Variants in SPINK13 observed in about 807,000 individuals in gnomAD.
SPINK13 encodes the protein serine protease inhibitor Kazal-type 13.
A neutral mutation model predicts 11.0 loss-of-function variants in SPINK13; 11 were observed. The observed-to-expected ratio is 1.00, with a 90% CI of 0.63 to 1.65. The LOEUF (loss-of-function observed/expected upper bound fraction) is 1.65. Among genes scored for constraint, SPINK13 ranks in the 40% most tolerant of loss-of-function variants. The pLI, the probability that SPINK13 is intolerant of heterozygous loss-of-function variation, is 0.00. For synonymous variants in SPINK13, 31 were observed against 35.6 expected, an observed-to-expected ratio of 0.87 and a Z score of 0.46; for missense variants, 113 against 117.7, an observed-to-expected ratio of 0.96 and a Z score of 0.19.
intron 3 of SPINK13, 108 bp from the exon 4 acceptor site, chr5:148,281,996 T>C (rs1756522617): frequency 6.9e-7 from 1 of 1,443,678 alleles, no homozygotes. Context: ...ATAAGATCAA[T>C]TGACTGGTAT....
At chr5:148,278,676 T>C (rs914540912) in intron 3 of SPINK13, among the ~76,000 whole-genome samples, 1 of 152,064 alleles carries the variant, frequency 6.6e-6, no homozygotes, top group African/African-American at 2.4e-5. Flanking sequence ...TGCTGAGGAG[T>C]GTTTTACTTC....
rs201839213 is a variant in SPINK13, at chr5:148,282,179, G to T, written c.184G>T (p.Ala62Ser). 1.3e-3 allele frequency: 2,066 copies of T among 1,614,168 alleles called. 15 individuals are homozygous for T. Among genetic ancestry groups the T allele is most frequent in the East Asian group, 7.4e-3 (334 of 44,878 alleles). The part of the protein sequence containing the change: ...DCPNVTAPVC[A>S]SNGHTFQNEC... ...CCCCAATGTGACAGCACCTGTTTGT[G>T]CCTCAAATGGCCACACTTTCCAGAA... Residue 62 changes from alanine (A) to serine (S), a missense_variant, in exon 4 of 5, where the codon GCC (alanine) becomes TCC (serine). Physicochemically the swap from Ala to Ser is moderately conservative, Grantham distance 99. Transcript: ENST00000398450.
chr5:148,285,473 T>C (rs1484946589), intron 4 of SPINK13, among the ~76,000 whole-genome samples: 3 of 152,186 alleles, frequency 2.0e-5, no homozygotes, highest in Non-Finnish European at 4.4e-5. Context: ...TCTTTAGAGA[T>C]GTAATACAAA....
chr5:148,283,926 G>A (rs905760571), intron 4 of SPINK13, among the ~76,000 whole-genome samples: 12 of 152,102 alleles, frequency 7.9e-5, no homozygotes, highest in Non-Finnish European at 8.8e-5. Flanking sequence ...GTGATCTGCC[G>A]GACTATTACT....
Position 148,282,161 on chromosome 5 carries a change from G to A in SPINK13, c.166G>A (p.Val56Met). 2 of 1,614,198 alleles carry A rather than the reference G, an allele frequency of 1.2e-6. No individual in the cohort carries two copies. Among genetic ancestry groups the A allele is most frequent in the Non-Finnish European group, 1.7e-6 (2 of 1,180,030 alleles). ...DPDYNADCPN[V>M]TAPVCASNGH... ...TGATTACAATGCAGACTGCCCCAAT[G>A]TGACAGCACCTGTTTGTGCCTCAAA... The change falls in exon 4 of 5, where the codon GTG becomes ATG. Residue 56 changes from valine to methionine, a missense_variant. By Grantham distance (21) the Val-to-Met change is conservative. Transcript: ENST00000398450.
intron 4 of SPINK13, 109 bp downstream of exon 4, chr5:148,282,340 A>G (rs1756528985): frequency 6.7e-6 from 9 of 1,340,716 alleles, no homozygotes; most frequent in Admixed American, 4.7e-5. Flanking sequence ...TTTTTTAAAA[A>G]AATAGCCTCA....
At position 148,285,092 on chromosome 5, in the gene SPINK13, T is replaced by C. The variant is rs112813414; in HGVS notation, c.237-908T>C. On this transcript the variant is annotated intron_variant, in intron 4 of 4. Transcript: ENST00000398450. ...AGATTTCAAACTTGCTTAGTGATAC[T>C]AAGCAAGGATTTCTCAGGCAATAAA... is the stretch of plus-strand genomic sequence containing the variant. Among the ~76,000 whole-genome samples the C allele has an allele frequency of 5.6e-3, 851 of 152,302 alleles. 6 individuals are homozygous for C. The highest frequency in any genetic ancestry group is 8.1e-3 in the Non-Finnish European group (552 of 68,008).
chr5:148,280,360 A>G (rs1204152773), intron 3 of SPINK13, among the ~76,000 whole-genome samples: 2 of 152,128 alleles, frequency 1.3e-5, no homozygotes, highest in Non-Finnish European at 2.9e-5. Context: ...GGAGGAGAAG[A>G]GGCTTTCTGA....
At chr5:148,279,216 G>A (rs1273720254) in intron 3 of SPINK13, among the ~76,000 whole-genome samples, 1 of 150,786 alleles carries the variant, frequency 6.6e-6, no homozygotes, top group Admixed American at 6.6e-5. Context: ...CACACTGATG[G>A]GTCTTGACTC....
intron 3 of SPINK13, among the ~76,000 whole-genome samples, chr5:148,276,234 T>C (rs1756426766): frequency 6.6e-6 from 1 of 152,216 alleles, no homozygotes; most frequent in South Asian, 2.1e-4. Context: ...TTCTCTCCCA[T>C]TCTGTAGGTT....
At chr5:148,283,857 T>C (rs929244543) in intron 4 of SPINK13, among the ~76,000 whole-genome samples, 1 of 152,196 alleles carries the variant, frequency 6.6e-6, no homozygotes, top group African/African-American at 2.4e-5. Context: ...AGGGTCTTGC[T>C]GATAATGCCC....
chr5:148,278,285 T>C (rs188433040), intron 3 of SPINK13, among the ~76,000 whole-genome samples: 2 of 152,206 alleles, frequency 1.3e-5, no homozygotes, highest in African/African-American at 4.8e-5. Flanking sequence ...TCTGCTCTGA[T>C]CTTAGTTATT....
Position 148,270,127 on chromosome 5 carries a change from C to A in SPINK13, c.55C>A (p.His19Asn). The A allele has an allele frequency of 6.2e-7, 1 of 1,614,018 alleles. No homozygotes were observed. Among genetic ancestry groups the A allele is most frequent in the Non-Finnish European group, 8.5e-7 (1 of 1,179,926 alleles). ...TTTCCTGGTATGCTCTACTTTGACA[C>A]ATGTGGCTTTCTCAGGTGAGTAACC... ...IFFLVCSTLT[H>N]VAFSGIFNKR... The change falls in exon 2 of 5, where the codon CAT (histidine) becomes AAT (asparagine). Residue 19 changes from histidine to asparagine, a missense_variant. By Grantham distance (68) the His-to-Asn change is moderately conservative. Coordinates refer to ENST00000398450, the MANE Select transcript of SPINK13 (RefSeq NM_001040129.3).
intron 3 of SPINK13, among the ~76,000 whole-genome samples, chr5:148,279,091 C>CTTTTTTTTT (rs746029113): frequency 1.4e-4 from 7 of 51,682 alleles, no homozygotes; most frequent in East Asian, 1.7e-3. Flanking sequence ...GCAACCCCTG[C>CTTTTTTTTT]TTTTTTTTTT....
chr5:148,283,310 C>A (rs1293742374), intron 4 of SPINK13, among the ~76,000 whole-genome samples: 1 of 152,134 alleles, frequency 6.6e-6, no homozygotes, highest in Admixed American at 6.5e-5. Flanking sequence ...TGCTCCAGGA[C>A]CCTAGGTAAA....
intron 4 of SPINK13, among the ~76,000 whole-genome samples, 164 bp downstream of exon 4, chr5:148,282,395 GT>G (rs1756531521): frequency 6.6e-6 from 1 of 151,934 alleles, no homozygotes; most frequent in African/African-American, 2.4e-5. Context: ...AGTGAAGAAA[GT>G]CTCCTAGAAT....
At chr5:148,271,042 G>C (rs1756342999) in intron 2 of SPINK13, 1 of 152,144 alleles carries the variant, frequency 6.6e-6, no homozygotes, top group African/African-American at 2.4e-5. Context: ...CTAAGTTTGT[G>C]ACAATTCATT....
At chr5:148,281,632 C>T (rs1436816837) in intron 3 of SPINK13, among the ~76,000 whole-genome samples, 1 of 152,162 alleles carries the variant, frequency 6.6e-6, no homozygotes, top group Non-Finnish European at 1.5e-5. Flanking sequence ...CTAACCAGTT[C>T]CAGTGAGATA....
At chr5:148,269,463 C>T (rs1364365794) in intron 1 of SPINK13, among the ~76,000 whole-genome samples, 2 of 152,024 alleles carry the variant, frequency 1.3e-5, no homozygotes, top group African/African-American at 4.8e-5. Context: ...ACCAACAATT[C>T]TATGTTTAAC....
Sources: gnomAD v4.1 joint callset for allele counts (sites outside exome capture counted in the v4.1 genomes callset) on GRCh38, gnomAD v4.1.1 for gene constraint, MANE v1.5 for transcripts, NCBI Gene and HGNC (gene_info 2026-07-23, HGNC 2026-07-21) for gene names.